CDH1: variants seen among roughly 807,000 people sequenced by gnomAD.
The protein encoded by CDH1 is cadherin-1.
Under a neutral mutation model 84.5 loss-of-function variants are expected in CDH1, and 35 were observed. The observed-to-expected ratio is 0.41, with a 90% confidence interval of 0.32 to 0.55. The LOEUF (loss-of-function observed/expected upper bound fraction) is 0.55, where lower values mean the gene tolerates loss of function less well. CDH1 is among the 20% of genes least tolerant of loss of function. The pLI, the probability that CDH1 is intolerant of heterozygous loss-of-function variation, is 0.19. For missense variants in CDH1, 994 were observed against 1,126.6 expected (o/e 0.88, Z 1.68); for synonymous variants, 417 against 439.0 (o/e 0.95, Z 0.63).
At position 68,743,100 on chromosome 16, in the gene CDH1, C is replaced by G. The variant is rs535681472; in HGVS notation, c.163+4689C>G. Among the ~76,000 whole-genome samples, 538 of 152,302 alleles carry G rather than the reference C, an allele frequency of 3.5e-3. 1 individual carries two copies. Among genetic ancestry groups the G allele is most frequent in the African/African-American group, 0.012 (517 of 41,554 alleles). ...AGGTGGTTATGGAAATCCCTGTTTGCTCTCCAGGGCTTTTTATTGGGTGAG... is the reference window on the plus strand; with the variant it reads ...AGGTGGTTATGGAAATCCCTGTTTGGTCTCCAGGGCTTTTTATTGGGTGAG... On this transcript the variant is annotated intron_variant, in intron 2 of 15. Coordinates refer to ENST00000261769, the MANE Select transcript of CDH1 (RefSeq NM_004360.5).
At chr16:68,762,587 G>C (rs987158775) in intron 2 of CDH1, among the ~76,000 whole-genome samples, 4 of 152,020 alleles carry the variant, frequency 2.6e-5, no homozygotes, top group Non-Finnish European at 4.4e-5. Flanking sequence ...ATCACATTTT[G>C]CTCCTCTCAG....
Position 68,833,302 on chromosome 16 carries a change from G to A in CDH1, c.2452G>A (p.Ala818Thr), listed in dbSNP as rs1223994260. The change falls in exon 16 of 16, where the codon GCT becomes ACT. Residue 818 changes from alanine (A) to threonine (T), a missense_variant. By Grantham distance (58) the Ala-to-Thr change is moderately conservative (BLOSUM62 0). This residue lies in a region of CDH1 where 769 missense variants were observed against 881.8 expected (regional missense o/e 0.87). Coordinates refer to ENST00000261769, the MANE Select transcript of CDH1 (RefSeq NM_004360.5). ...CCTTCTTCTTTAGAATCTGAAAGCG[G>A]CTGATACTGACCCCACAGCCCCGCC... is the stretch of plus-strand genomic sequence containing the variant. ...GNFIDENLKAADTDPTAPPYD... is the reference protein window; with the variant it reads ...GNFIDENLKATDTDPTAPPYD... 6.2e-7 allele frequency: 1 copy of A among 1,614,120 alleles called. No individual in the cohort carries two copies. The highest frequency in any genetic ancestry group is 1.7e-5 in the Admixed American group (1 of 60,008).
intron 2 of CDH1, among the ~76,000 whole-genome samples, chr16:68,759,086 G>A (rs185909101): frequency 5.3e-5 from 8 of 152,190 alleles, no homozygotes; most frequent in East Asian, 1.9e-4. Context: ...GTGAGCCACC[G>A]TGCCCAGCTA....
At chr16:68,792,127 G>A (rs1444922288) in intron 2 of CDH1, among the ~76,000 whole-genome samples, 3 of 151,382 alleles carry the variant, frequency 2.0e-5, no homozygotes, top group Non-Finnish European at 4.4e-5. Flanking sequence ...CACCATGTTG[G>A]TCAGGCTGGT....
At chr16:68,777,295 A>T (rs1230713715) in intron 2 of CDH1, among the ~76,000 whole-genome samples, 1 of 152,188 alleles carries the variant, frequency 6.6e-6, no homozygotes, top group Non-Finnish European at 1.5e-5. Flanking sequence ...AAGTTATGTG[A>T]CCTTGGGCAA....
chr16:68,833,348 T>C lies in CDH1; in HGVS notation c.2498T>C (p.Phe833Ser). The C allele has an allele frequency of 6.2e-7, 1 of 1,614,212 alleles. No homozygotes were observed. The highest frequency in any genetic ancestry group is 8.5e-7 in the Non-Finnish European group (1 of 1,180,032). The change falls in exon 16 of 16, where the codon TTT becomes TCT. Residue 833 changes from phenylalanine (F) to serine (S), a missense_variant. Coordinates refer to ENST00000261769, the MANE Select transcript of CDH1 (RefSeq NM_004360.5). ...CCGCCTTATGATTCTCTGCTCGTGT[T>C]TGACTATGAAGGAAGCGGTTCCGAA... ...TAPPYDSLLV[F>S]DYEGSGSEAA...
chr16:68,774,025 C>G (rs772412848), intron 2 of CDH1, among the ~76,000 whole-genome samples: 2 of 152,232 alleles, frequency 1.3e-5, no homozygotes, highest in Admixed American at 1.3e-4. Flanking sequence ...AAGCGATCTT[C>G]CCACCTCAGC....
chr16:68,789,020 A>G (rs2098728), intron 2 of CDH1, among the ~76,000 whole-genome samples: 68,408 of 151,368 alleles, frequency 0.45, 17,805 homozygotes, highest in African/African-American at 0.72. Flanking sequence ...ATGAATGAAT[A>G]AATAAAAGAA....
chr16:68,792,721 C>G lies in CDH1; in HGVS notation c.164-8949C>G, dbSNP rs190713651. ...GTAATCTTAAACAAAGGGAAAAAGTCAAGGGCGATGGCTTACACCTTTAGC... is the reference window on the plus strand; with the variant it reads ...GTAATCTTAAACAAAGGGAAAAAGTGAAGGGCGATGGCTTACACCTTTAGC... On this transcript the variant is annotated intron_variant, in intron 2 of 15. Coordinates refer to ENST00000261769, the MANE Select transcript of CDH1 (RefSeq NM_004360.5). Among the ~76,000 whole-genome samples the G allele has an allele frequency of 2.7e-3, 411 of 152,332 alleles. 4 individuals carry two copies. The highest frequency in any genetic ancestry group is 9.6e-3 in the African/African-American group (399 of 41,586).
At position 68,822,366 on chromosome 16, in the gene CDH1, T is replaced by G. The variant is rs34290937; in HGVS notation, c.1936+141T>G. The G allele has an allele frequency of 2.7e-3, 1,943 of 712,316 alleles. 28 individuals carry two copies. In the African/African-American group the frequency reaches 0.031, roughly 11 times the overall value. 44.1% of individuals were successfully genotyped at this position (712,316 alleles called of 1,614,324 possible). On this transcript the variant is annotated intron_variant, in intron 12 of 15. Coordinates refer to ENST00000261769, the MANE Select transcript of CDH1 (RefSeq NM_004360.5). The stretch of plus-strand genomic sequence containing the variant: ...TACTTGCTTCCTTGTCCCTTCTGTC[T>G]TTGAGGCCTTGCTCCAAAGGTCTTT...
At chr16:68,737,531 C>T (rs1368609058) in intron 1 of CDH1, 68 bp downstream of exon 1, 7 of 1,327,922 alleles carry the variant, frequency 5.3e-6, no homozygotes, top group African/African-American at 1.5e-5. Context: ...AGCCCTGCGC[C>T]CCTTCCTCTC....
At chr16:68,745,558 ATATATG>A (rs1408923454) in intron 2 of CDH1, among the ~76,000 whole-genome samples, 12 of 132,144 alleles carry the variant, frequency 9.1e-5, no homozygotes, top group African/African-American at 3.3e-4. Flanking sequence ...AAATATATAT[ATATATG>A]TATATATATA....
chr16:68,775,635 C>T (rs1959711964), intron 2 of CDH1, among the ~76,000 whole-genome samples: 1 of 152,238 alleles, frequency 6.6e-6, no homozygotes. Context: ...ACTAGCCACA[C>T]ATGGGACTCA....
chr16:68,810,574 T>G lies in CDH1; in HGVS notation c.832+233T>G, dbSNP rs554881700. Among the ~76,000 whole-genome samples the G allele has an allele frequency of 3.3e-5, 5 of 151,856 alleles. No homozygotes were observed. The East Asian group carries it at 7.7e-4, about 23-fold the overall frequency. On this transcript the variant is annotated intron_variant, in intron 6 of 15. Coordinates refer to ENST00000261769, the MANE Select transcript of CDH1 (RefSeq NM_004360.5). The stretch of plus-strand genomic sequence containing the variant: ...TCCCTTTTTTATTATTAATTTTTTT[T>G]TTTTTTAGGCTGGGCATGGTGGCTC...
At chr16:68,757,382 A>G (rs1963042285) in intron 2 of CDH1, among the ~76,000 whole-genome samples, 1 of 152,004 alleles carries the variant, frequency 6.6e-6, no homozygotes, top group South Asian at 2.1e-4. Context: ...CAACCAGCTG[A>G]GTTTTTGATT....
At chr16:68,798,018 G>T (rs1960408973) in intron 2 of CDH1, among the ~76,000 whole-genome samples, 1 of 151,958 alleles carries the variant, frequency 6.6e-6, no homozygotes, top group African/African-American at 2.4e-5. Flanking sequence ...GGCAGAGGTT[G>T]CAGTGAGCCC....
At chr16:68,737,609 C>T in intron 1 of CDH1, 146 bp downstream of exon 1, 1 of 763,350 alleles carries the variant, frequency 1.3e-6, no homozygotes, top group Non-Finnish European at 2.1e-6. Context: ...CTGGAAGCCT[C>T]GCGCGCTCCG....
At chr16:68,810,898 G>T (rs1430319988) in intron 6 of CDH1, among the ~76,000 whole-genome samples, 1 of 151,702 alleles carries the variant, frequency 6.6e-6, no homozygotes, top group Non-Finnish European at 1.5e-5. Context: ...CAGAGACAGG[G>T]TCTTGCTTTG....
At chr16:68,813,841 A>G (rs1208749077) in intron 9 of CDH1, among the ~76,000 whole-genome samples, 3 of 152,022 alleles carry the variant, frequency 2.0e-5, no homozygotes, top group African/African-American at 7.3e-5. Context: ...CTGAGGCAGG[A>G]GAATTGCTTG....
Sources: allele counts gnomAD v4.1 joint callset (sites outside exome capture counted in the v4.1 genomes callset), GRCh38; gene constraint gnomAD v4.1.1; regional missense constraint gnomAD v4.1.1; transcripts MANE v1.5; gene names NCBI Gene and HGNC (gene_info 2026-07-23, HGNC 2026-07-21).